Variants in ANO4 observed in about 807,000 individuals in gnomAD.
ANO4 encodes the protein anoctamin-4.
Under a neutral mutation model 141.9 loss-of-function variants are expected in ANO4, and 69 were observed. The observed-to-expected ratio is 0.49, with a 90% CI of 0.40 to 0.59. The LOEUF (loss-of-function observed/expected upper bound fraction) is 0.59, where lower values mean the gene tolerates loss of function less well. Ranked by LOEUF, ANO4 falls within the 20% of genes least tolerant of loss-of-function variation. The probability of loss-of-function intolerance (pLI) is 0.00; values close to 1 mark genes in which losing one functional copy is unlikely to be tolerated. For synonymous variants in ANO4, 350 were observed against 394.3 expected, an observed-to-expected ratio of 0.89 and a Z score of 1.33; for missense variants, 894 against 1,162.2, an observed-to-expected ratio of 0.77 and a Z score of 3.36.
At chr12:100,925,311 C>T (rs17030777) in intron 3 of ANO4, among the ~76,000 whole-genome samples, 1,920 of 152,062 alleles carry the variant, frequency 0.013, 44 homozygotes, top group African/African-American at 0.044. Flanking sequence ...GCGAGACCAT[C>T]GTTAAGTGTG....
chr12:100,949,315 A>G (rs2042875664), intron 5 of ANO4, among the ~76,000 whole-genome samples: 1 of 152,232 alleles, frequency 6.6e-6, no homozygotes, highest in South Asian at 2.1e-4. Flanking sequence ...GCAACAATAG[A>G]TAATTAATAC....
intron 3 of ANO4, among the ~76,000 whole-genome samples, chr12:100,757,147 C>A (rs1340496300): frequency 6.6e-6 from 1 of 152,140 alleles, no homozygotes; most frequent in African/African-American, 2.4e-5. Flanking sequence ...CCCAGTTGCC[C>A]AAGACAGAAT....
chr12:100,983,847 A>G (rs2044590810), intron 7 of ANO4, among the ~76,000 whole-genome samples: 1 of 152,190 alleles, frequency 6.6e-6, no homozygotes, highest in Non-Finnish European at 1.5e-5. Context: ...CCCTTTTGCC[A>G]TGTAACATAA....
At chr12:101,095,194 G>A (rs1293420973) in intron 18 of ANO4, among the ~76,000 whole-genome samples, 3 of 152,154 alleles carry the variant, frequency 2.0e-5, no homozygotes, top group Non-Finnish European at 4.4e-5. Context: ...AGCATTTACT[G>A]AAACTTTCTA....
At chr12:100,728,906 CA>C (rs1384692728) in intron 1 of ANO4, among the ~76,000 whole-genome samples, 1 of 152,032 alleles carries the variant, frequency 6.6e-6, no homozygotes, top group African/African-American at 2.4e-5. Context: ...GCCATGTAGC[CA>C]CCACCTCGGT....
chr12:100,981,763 G>T (rs1329893770), intron 7 of ANO4, among the ~76,000 whole-genome samples: 1 of 152,148 alleles, frequency 6.6e-6, no homozygotes, highest in Non-Finnish European at 1.5e-5. Context: ...ACAGCATGCA[G>T]GTTGGCATTC....
At chr12:101,064,091 T>A (rs1178643909) in intron 14 of ANO4, among the ~76,000 whole-genome samples, 1 of 152,140 alleles carries the variant, frequency 6.6e-6, no homozygotes, top group East Asian at 1.9e-4. Context: ...CTTTTTCTAA[T>A]TTCTTAAGGT....
At chr12:101,086,352 T>G (rs2049500553) in intron 16 of ANO4, among the ~76,000 whole-genome samples, 1 of 152,100 alleles carries the variant, frequency 6.6e-6, no homozygotes, top group Admixed American at 6.6e-5. Flanking sequence ...AAGAGTGACA[T>G]GATAGGATTT....
At chr12:101,023,191 C>G (rs190210140) in intron 9 of ANO4, among the ~76,000 whole-genome samples, 28 of 152,194 alleles carry the variant, frequency 1.8e-4, no homozygotes, top group South Asian at 4.2e-4. Context: ...AATTATTGTG[C>G]CTAATTTTGC....
At chr12:101,125,548 T>G (rs563719482) in intron 26 of ANO4, among the ~76,000 whole-genome samples, 3 of 152,120 alleles carry the variant, frequency 2.0e-5, no homozygotes, top group Non-Finnish European at 4.4e-5. Context: ...CTTGTGCCGG[T>G]TTTTAAGGGG....
chr12:100,981,449 AG>A lies in ANO4; in HGVS notation c.603-6088del, dbSNP rs2044455919. 6.6e-5 allele frequency among the ~76,000 whole-genome samples: 10 copies of A among 151,766 alleles called. No individual in the cohort carries two copies. The South Asian group carries it at 1.9e-3, about 29-fold the overall frequency. On this transcript the variant is annotated intron_variant, in intron 7 of 27. Coordinates refer to ENST00000392977, the MANE Select transcript of ANO4 (RefSeq NM_001286615.2). Reference sequence around the variant, plus strand: ...AGAAAGAAAAGGAGGGAAGGAAGGAAGGAAGGAAGGAAGAAAGGAAGGGAGG... The same window carrying A: ...AGAAAGAAAAGGAGGGAAGGAAGGAAGAAGGAAGGAAGAAAGGAAGGGAGG...
At chr12:100,739,591 C>A (rs550958618) in intron 2 of ANO4, among the ~76,000 whole-genome samples, 1 of 152,134 alleles carries the variant, frequency 6.6e-6, no homozygotes, top group East Asian at 1.9e-4. Flanking sequence ...TTATTATGAA[C>A]ACAGGTCTTA....
At chr12:101,113,295 G>A (rs2050732651) in intron 24 of ANO4, among the ~76,000 whole-genome samples, 1 of 152,022 alleles carries the variant, frequency 6.6e-6, no homozygotes, top group Non-Finnish European at 1.5e-5. Flanking sequence ...CTTGTTTTAG[G>A]GGGAACCAAA....
intron 9 of ANO4, among the ~76,000 whole-genome samples, chr12:101,022,462 A>C (rs2046573427): frequency 6.6e-6 from 1 of 152,220 alleles, no homozygotes; most frequent in Admixed American, 6.5e-5. Flanking sequence ...AACCACTCAT[A>C]ACATTTGCGT....
chr12:101,064,449 A>T (rs557863469), intron 14 of ANO4, among the ~76,000 whole-genome samples: 1 of 152,214 alleles, frequency 6.6e-6, no homozygotes, highest in South Asian at 2.1e-4. Context: ...TTCCAAGTAC[A>T]TTTGAAAAGA....
At chr12:100,828,397 C>T (rs530064882) in intron 1 of ANO4, among the ~76,000 whole-genome samples, 1 of 152,134 alleles carries the variant, frequency 6.6e-6, no homozygotes, top group African/African-American at 2.4e-5. Flanking sequence ...TCTGCTAGTG[C>T]TTTCCCCATC....
At chr12:100,809,701 C>G (rs773010973) in intron 1 of ANO4, among the ~76,000 whole-genome samples, 9 of 152,134 alleles carry the variant, frequency 5.9e-5, no homozygotes, top group Non-Finnish European at 8.8e-5. Context: ...ATATGACATG[C>G]GCAAGAGGTT....
At chr12:100,756,785 C>G (rs576197080) in intron 3 of ANO4, among the ~76,000 whole-genome samples, 36 of 152,264 alleles carry the variant, frequency 2.4e-4, no homozygotes, top group African/African-American at 2.4e-5. Context: ...TTGCCTAATC[C>G]TTCTTCATGT....
At chr12:101,066,258 C>G (rs1370020246) in intron 14 of ANO4, among the ~76,000 whole-genome samples, 1 of 152,076 alleles carries the variant, frequency 6.6e-6, no homozygotes, top group Non-Finnish European at 1.5e-5. Context: ...GAAGTCCTAG[C>G]TAAAGCAATC....
Sources: allele counts gnomAD v4.1 joint callset (sites outside exome capture counted in the v4.1 genomes callset), GRCh38; gene constraint gnomAD v4.1.1; transcripts MANE v1.5; gene names NCBI Gene and HGNC (gene_info 2026-07-23, HGNC 2026-07-21).